Variants in ADAMTSL1 observed in about 807,000 individuals in gnomAD.
The protein encoded by ADAMTSL1 is ADAMTS like 1.
Under a neutral mutation model 201.8 loss-of-function variants are expected in ADAMTSL1, and 126 were observed. The ratio of observed to expected loss-of-function variants is 0.62; its 90% CI spans 0.54 to 0.72. ADAMTSL1 has a LOEUF of 0.72. Ranked by LOEUF, ADAMTSL1 falls within the 30% of genes least tolerant of loss-of-function variation. The pLI is 0.00. For missense variants in ADAMTSL1, 2,679 were observed against 2,277.8 expected (o/e 1.18, Z -3.59); for synonymous variants, 1,121 against 903.4 (o/e 1.24, Z -4.32).
intron 2 of ADAMTSL1, among the ~76,000 whole-genome samples, chr9:18,241,829 A>T (rs1047903137): frequency 6.6e-6 from 1 of 152,158 alleles, no homozygotes; most frequent in Non-Finnish European, 1.5e-5. Flanking sequence ...AGGAAGAAAT[A>T]GAAATCCTGA....
chr9:18,577,307 G>A lies in ADAMTSL1; in HGVS notation c.474+3041G>A, dbSNP rs186223040. Among the ~76,000 whole-genome samples the A allele has an allele frequency of 7.9e-5, 12 of 152,208 alleles. No individual in the cohort carries two copies. In the East Asian group the frequency reaches 2.1e-3, roughly 27 times the overall value. On this transcript the variant is annotated intron_variant, in intron 4 of 28. Transcript: ENST00000380548. ...TTGAGACCTGCCTGGCCAACACGGC[G>A]AAACCCTGTCTGTACTAAAAATACA...
intron 2 of ADAMTSL1, among the ~76,000 whole-genome samples, chr9:18,299,181 A>C (rs767050154): frequency 6.6e-6 from 1 of 152,100 alleles, no homozygotes; most frequent in African/African-American, 2.4e-5. Flanking sequence ...TCATGAGCTC[A>C]TACAGCTAAT....
At chr9:18,543,032 C>T (rs1042080490) in intron 3 of ADAMTSL1, among the ~76,000 whole-genome samples, 1 of 152,160 alleles carries the variant, frequency 6.6e-6, no homozygotes, top group Non-Finnish European at 1.5e-5. Context: ...TATACAATGC[C>T]CAGTTATTAG....
At chr9:18,816,604 A>C (rs76973988) in intron 20 of ADAMTSL1, among the ~76,000 whole-genome samples, 2,911 of 152,232 alleles carry the variant, frequency 0.019, 86 homozygotes, top group African/African-American at 0.068. Context: ...TTTAATTTTA[A>C]AAAAGGGCCC....
chr9:18,593,951 A>G (rs903196742), intron 4 of ADAMTSL1, among the ~76,000 whole-genome samples: 2 of 152,006 alleles, frequency 1.3e-5, no homozygotes, highest in African/African-American at 4.8e-5. Context: ...GATTAAGTCC[A>G]GTGTTTCTTT....
rs1348184914 is a variant in ADAMTSL1 at position 18,455,543 on chromosome 9, G to A, written c.208-49286G>A. Reference sequence around the variant, plus strand: ...TAATCTTTTTTTTTTTAATCTTTAGGACAGCCATACAGGTAGGTCTCAGAG... The same window carrying A: ...TAATCTTTTTTTTTTTAATCTTTAGAACAGCCATACAGGTAGGTCTCAGAG... On this transcript the variant is annotated intron_variant, in intron 2 of 29. Coordinates refer to the ADAMTSL1 transcript ENST00000680146. 2.0e-5 allele frequency among the ~76,000 whole-genome samples: 3 copies of A among 150,856 alleles called. No individual in the cohort carries two copies. In the East Asian group the frequency reaches 5.8e-4, roughly 29 times the overall value.
chr9:18,014,707 G>C (rs1184710472), intron 1 of ADAMTSL1, among the ~76,000 whole-genome samples: 2 of 152,030 alleles, frequency 1.3e-5, no homozygotes, highest in Non-Finnish European at 2.9e-5. Flanking sequence ...AGTGGGAATT[G>C]CTTGCAGGGG....
intron 21 of ADAMTSL1, among the ~76,000 whole-genome samples, chr9:18,822,918 A>T (rs776787112): frequency 1.3e-5 from 2 of 152,214 alleles, no homozygotes; most frequent in Non-Finnish European, 2.9e-5. Context: ...GGAACATTCA[A>T]GGGCTGGTGA....
rs1055011963 is a variant in ADAMTSL1, at chr9:18,260,727, C to T, written c.207+96746C>T. ...GTCGTTTCCATCTGCCAGTGTGGTC[C>T]CTCTCCGAGGCACTAGTGTGCCAGA... On this transcript the variant is annotated intron_variant, in intron 2 of 29. Coordinates refer to the ADAMTSL1 transcript ENST00000680146. Among the ~76,000 whole-genome samples the T allele has an allele frequency of 4.6e-5, 7 of 152,276 alleles. No homozygotes were observed. In the South Asian group the frequency reaches 1.2e-3, roughly 27 times the overall value.
chr9:18,736,315 G>C (rs1379266249), intron 15 of ADAMTSL1, among the ~76,000 whole-genome samples: 1 of 152,128 alleles, frequency 6.6e-6, no homozygotes, highest in Non-Finnish European at 1.5e-5. Flanking sequence ...ATGACAGTTT[G>C]GGGGACAGGA....
chr9:18,760,764 C>G (rs137885537), intron 16 of ADAMTSL1, among the ~76,000 whole-genome samples: 144 of 152,342 alleles, frequency 9.5e-4, no homozygotes, highest in African/African-American at 3.3e-3. Context: ...AAGGACTGCT[C>G]TGAGTCATCA....
At chr9:18,867,445 ATG>A (rs560509367) in intron 23 of ADAMTSL1, among the ~76,000 whole-genome samples, 182 of 152,296 alleles carry the variant, frequency 1.2e-3, no homozygotes, top group African/African-American at 4.3e-3. Flanking sequence ...AACAGTGCAA[ATG>A]TGTTTTTCTT....
chr9:18,600,280 C>G (rs1157094842), intron 4 of ADAMTSL1, among the ~76,000 whole-genome samples: 3 of 152,234 alleles, frequency 2.0e-5, no homozygotes, highest in Middle Eastern at 3.4e-3. Context: ...ATATTAAGCT[C>G]TAACCATGCC....
At chr9:17,987,875 C>T (rs1355075871) in intron 1 of ADAMTSL1, among the ~76,000 whole-genome samples, 2 of 152,046 alleles carry the variant, frequency 1.3e-5, no homozygotes, top group Non-Finnish European at 2.9e-5. Flanking sequence ...ACCCTTTAAT[C>T]TCTCTGTGAT....
chr9:18,120,721 A>G (rs1825460744), intron 1 of ADAMTSL1, among the ~76,000 whole-genome samples: 1 of 152,216 alleles, frequency 6.6e-6, no homozygotes, highest in African/African-American at 2.4e-5. Flanking sequence ...CAGAATCTAC[A>G]TTTAAACAGA....
At chr9:17,937,636 T>TCAC (rs372965640) in intron 1 of ADAMTSL1, among the ~76,000 whole-genome samples, 21 of 151,364 alleles carry the variant, frequency 1.4e-4, no homozygotes, top group African/African-American at 4.6e-4. Context: ...ATCTTGTTGA[T>TCAC]TTAAATTCCT....
At chr9:18,181,937 C>A (rs1175447242) in intron 2 of ADAMTSL1, among the ~76,000 whole-genome samples, 1 of 152,056 alleles carries the variant, frequency 6.6e-6, no homozygotes, top group African/African-American at 2.4e-5. Flanking sequence ...CACATATACA[C>A]CATGGAATAC....
At chr9:18,270,613 A>T (rs13287745) in intron 2 of ADAMTSL1, among the ~76,000 whole-genome samples, 10,132 of 152,210 alleles carry the variant, frequency 0.067, 383 homozygotes, top group African/African-American at 0.082. Flanking sequence ...CTATTGCCTT[A>T]TTGAAACTTT....
chr9:18,800,377 CAAAAA>C (rs58346548), intron 20 of ADAMTSL1, among the ~76,000 whole-genome samples: 1,637 of 60,456 alleles, frequency 0.027, 24 homozygotes, highest in African/African-American at 0.1. Flanking sequence ...AACTCCATCT[CAAAAA>C]AAAAAAAAAA....
Sources: gnomAD v4.1 joint callset for allele counts (sites outside exome capture counted in the v4.1 genomes callset) on GRCh38, gnomAD v4.1.1 for gene constraint, MANE v1.5 for transcripts, NCBI Gene and HGNC (gene_info 2026-07-23, HGNC 2026-07-21) for gene names.